The following WDPCP variants were observed in gnomAD, a reference collection of about 807,000 sequenced individuals.
WDPCP encodes the protein WD repeat-containing and planar cell polarity effector protein fritz homolog.
WDPCP carries 71 observed loss-of-function variants against 93.1 expected under a neutral mutation model. That is an observed-to-expected ratio of 0.76 (90% CI 0.63 to 0.93). The LOEUF is 0.93. WDPCP is among the 40% of genes least tolerant of loss of function. WDPCP has a pLI of 0.00. For synonymous variants in WDPCP, 315 were observed against 315.0 expected (o/e 1.00, Z 0.00); for missense variants, 844 against 887.4 (o/e 0.95, Z 0.62).
chr2:63,128,909 C>A (rs1335236337), intron 17 of WDPCP, among the ~76,000 whole-genome samples: 1 of 152,172 alleles, frequency 6.6e-6, no homozygotes, highest in Non-Finnish European at 1.5e-5. Flanking sequence ...CTCAGGTGAT[C>A]CACCCACCTT....
intron 14 of WDPCP, among the ~76,000 whole-genome samples, chr2:63,183,450 T>C (rs1018771887): frequency 1.3e-5 from 2 of 152,152 alleles, no homozygotes; most frequent in African/African-American, 4.8e-5. Context: ...CAGTTCCTCC[T>C]GGTATTGATT....
At chr2:63,698,328 GAGA>G (rs1668991627) in intron 2 of WDPCP, among the ~76,000 whole-genome samples, 1 of 152,186 alleles carries the variant, frequency 6.6e-6, no homozygotes, top group Non-Finnish European at 1.5e-5. Context: ...TGAAGACATG[GAGA>G]GAAGTCACAT....
chr2:63,150,530 T>C (rs1402742547), intron 17 of WDPCP, among the ~76,000 whole-genome samples: 1 of 152,188 alleles, frequency 6.6e-6, no homozygotes, highest in Non-Finnish European at 1.5e-5. Flanking sequence ...CTCTTTGGGT[T>C]TGAATTCCAG....
At chr2:63,370,969 C>T (rs1001554417) in intron 12 of WDPCP, among the ~76,000 whole-genome samples, 2 of 151,916 alleles carry the variant, frequency 1.3e-5, no homozygotes, top group Non-Finnish European at 2.9e-5. Context: ...TTAAAAATTT[C>T]GTGGCTCATA....
In WDPCP at chr2:63,765,431, G is replaced by A. The variant is rs149467942; in HGVS notation, n.308+48191C>T. On this transcript the variant is annotated intron_variant and non_coding_transcript_variant, in intron 2 of 4. Coordinates refer to the WDPCP transcript ENST00000467687. ...AGGAGCTGGCTACTTCCCTGCACTT[G>A]TGGACTGTTCTGCCAGCAAGCAAAC... is the stretch of plus-strand genomic sequence containing the variant. 5.6e-3 allele frequency among the ~76,000 whole-genome samples: 853 copies of A among 152,306 alleles called. 12 individuals carry two copies. Among genetic ancestry groups the A allele is most frequent in the Middle Eastern group, 0.017 (5 of 294 alleles).
intron 14 of WDPCP, among the ~76,000 whole-genome samples, chr2:63,190,583 G>T (rs1308746703): frequency 6.6e-6 from 1 of 151,772 alleles, no homozygotes; most frequent in African/African-American, 2.4e-5. Flanking sequence ...ACTTAATATG[G>T]TTATAACTTT....
chr2:63,532,743 C>T (rs1431911994), intron 1 of WDPCP, among the ~76,000 whole-genome samples: 3 of 152,158 alleles, frequency 2.0e-5, no homozygotes, highest in African/African-American at 7.2e-5. Context: ...TGGTACCAGC[C>T]ACTGCAAAAA....
intron 3 of WDPCP, among the ~76,000 whole-genome samples, chr2:63,619,487 A>C (rs550320143): frequency 4.1e-4 from 63 of 152,212 alleles, no homozygotes; most frequent in African/African-American, 1.3e-3. Context: ...CTGGTCATGC[A>C]CTTCCTTGCA....
At chr2:63,181,558 A>G (rs1674241547) in intron 14 of WDPCP, among the ~76,000 whole-genome samples, 1 of 151,966 alleles carries the variant, frequency 6.6e-6, no homozygotes, top group African/African-American at 2.4e-5. Flanking sequence ...CTGTATGTCT[A>G]TTTTTATACA....
chr2:63,725,986 T>C (rs141300308), intron 2 of WDPCP, among the ~76,000 whole-genome samples: 48 of 152,332 alleles, frequency 3.2e-4, no homozygotes, highest in African/African-American at 1.1e-3. Context: ...TCCCATTCTG[T>C]AAACTGTCTG....
chr2:63,241,499 C>G (rs1679855137), intron 14 of WDPCP, among the ~76,000 whole-genome samples: 3 of 152,140 alleles, frequency 2.0e-5, no homozygotes, highest in Admixed American at 2.0e-4. Flanking sequence ...TTTGTATTTA[C>G]AATAAGATAT....
At chr2:63,138,742 G>A (rs1005418781) in intron 17 of WDPCP, among the ~76,000 whole-genome samples, 4 of 152,190 alleles carry the variant, frequency 2.6e-5, no homozygotes, top group African/African-American at 7.2e-5. Flanking sequence ...ATGAGCCACC[G>A]TGCCCGGCAC....
At chr2:63,191,335 T>C (rs1209052784) in intron 14 of WDPCP, among the ~76,000 whole-genome samples, 2 of 152,038 alleles carry the variant, frequency 1.3e-5, no homozygotes, top group Non-Finnish European at 2.9e-5. Flanking sequence ...GAGCTTGCAG[T>C]GAGCTGAGAT....
intron 8 of WDPCP, among the ~76,000 whole-genome samples, chr2:63,436,094 A>G (rs1438908457): frequency 6.6e-6 from 1 of 152,104 alleles, no homozygotes; most frequent in Non-Finnish European, 1.5e-5. Context: ...AATTTTATAT[A>G]TACTTACTTT....
At chr2:63,479,563 A>C (rs771365630) in intron 6 of WDPCP, among the ~76,000 whole-genome samples, 1 of 152,198 alleles carries the variant, frequency 6.6e-6, no homozygotes, top group Non-Finnish European at 1.5e-5. Context: ...TACACTGCAT[A>C]AACAGAATTA....
intron 14 of WDPCP, among the ~76,000 whole-genome samples, chr2:63,199,571 G>A (rs1675728789): frequency 6.6e-6 from 1 of 152,230 alleles, no homozygotes; most frequent in Non-Finnish European, 1.5e-5. Context: ...TCCATGTGGT[G>A]TTAAGCCTGC....
At chr2:63,502,841 G>A (rs989135092) in intron 1 of WDPCP, among the ~76,000 whole-genome samples, 1 of 151,744 alleles carries the variant, frequency 6.6e-6, no homozygotes, top group Non-Finnish European at 1.5e-5. Flanking sequence ...CTAGTGCTGT[G>A]CAAAGTGCCA....
intron 2 of WDPCP, among the ~76,000 whole-genome samples, chr2:63,729,084 A>T (rs1375351416): frequency 6.6e-6 from 1 of 152,158 alleles, no homozygotes; most frequent in African/African-American, 2.4e-5. Context: ...GGTCCAAGTA[A>T]ATATCAATCA....
chr2:63,442,127 C>T (rs548093211), intron 6 of WDPCP: 1 of 152,036 alleles, frequency 6.6e-6, no homozygotes, highest in Non-Finnish European at 1.5e-5. Context: ...CAGTAGCACC[C>T]ACCTCAAATA....
Sources: gnomAD v4.1 joint callset for allele counts (sites outside exome capture counted in the v4.1 genomes callset) on GRCh38, gnomAD v4.1.1 for gene constraint, MANE v1.5 for transcripts, NCBI Gene and HGNC (gene_info 2026-07-23, HGNC 2026-07-21) for gene names.